The following TRNT1 variants were observed in gnomAD, a reference collection of about 807,000 sequenced individuals.
TRNT1 encodes the protein CCA tRNA nucleotidyltransferase 1, mitochondrial.
A neutral mutation model predicts 45.6 loss-of-function variants in TRNT1; 44 were observed. That is an observed-to-expected ratio of 0.97 (90% confidence interval 0.76 to 1.24). The LOEUF (loss-of-function observed/expected upper bound fraction) is 1.24. Ranked by LOEUF, TRNT1 falls within the 50% of genes most tolerant of loss-of-function variation. TRNT1 has a pLI of 0.00. For missense variants in TRNT1, 633 were observed against 504.4 expected, an observed-to-expected ratio of 1.25 and a Z score of -2.44; for synonymous variants, 201 against 171.4, an observed-to-expected ratio of 1.17 and a Z score of -1.35.
intron 2 of TRNT1, 143 bp downstream of exon 2, chr3:3,129,331 T>A: frequency 6.2e-6 from 5 of 810,872 alleles, no homozygotes; most frequent in Non-Finnish European, 9.4e-6. Flanking sequence ...GGTCTCTTTG[T>A]GTTGCCCAGG....
intron 3 of TRNT1, among the ~76,000 whole-genome samples, chr3:3,139,411 C>G (rs1323309690): frequency 6.6e-6 from 1 of 152,220 alleles, no homozygotes; most frequent in Admixed American, 6.5e-5. Flanking sequence ...CAACAGACTT[C>G]TGGTGATCGT....
At chr3:3,141,176 G>T (rs560827657) in intron 4 of TRNT1, among the ~76,000 whole-genome samples, 4 of 152,182 alleles carry the variant, frequency 2.6e-5, no homozygotes, top group African/African-American at 9.7e-5. Flanking sequence ...GGCTTCCTTT[G>T]TACCGCTGTT....
At chr3:3,147,379 G>A in intron 6 of TRNT1, 71 bp from the exon 7 acceptor site, 1 of 1,544,782 alleles carries the variant, frequency 6.5e-7, no homozygotes. Context: ...CTAAAATGGT[G>A]GCAAGGTTTA....
At chr3:3,136,576 C>A (rs528860564) in intron 2 of TRNT1, 3 of 411,248 alleles carry the variant, frequency 7.3e-6, no homozygotes, top group Admixed American at 5.9e-5. Flanking sequence ...CAGAGAAATA[C>A]AAGAACATGT....
downstream of TRNT1, chr3:3,150,827 A>C (rs1199046620): frequency 6.4e-7 from 1 of 1,562,244 alleles, no homozygotes; most frequent in African/African-American, 1.4e-5. Flanking sequence ...TTAGAATATA[A>C]CCAATTTGTT....
At chr3:3,144,471 CTG>C (rs1306078321) in intron 4 of TRNT1, 111 bp from the exon 5 acceptor site, 89 of 1,019,218 alleles carry the variant, frequency 8.7e-5, no homozygotes, top group Admixed American at 1.5e-4. Context: ...GTTTTAATAA[CTG>C]TTCACTCTGC....
chr3:3,136,018 G>A (rs116496432), intron 2 of TRNT1, among the ~76,000 whole-genome samples: 1 of 152,188 alleles, frequency 6.6e-6, no homozygotes, highest in Non-Finnish European at 1.5e-5. Context: ...GGAAGCAGAA[G>A]TAATTCTGTG....
At chr3:3,140,480 A>G (rs958027157) in intron 3 of TRNT1, 30 bp from the exon 4 acceptor site, 4 of 1,600,590 alleles carry the variant, frequency 2.5e-6, no homozygotes, top group Non-Finnish European at 3.4e-6. Flanking sequence ...AATTTAAATG[A>G]CAACAAAAAC....
chr3:3,146,053 T>A (rs946756379), intron 5 of TRNT1, among the ~76,000 whole-genome samples: 182 of 151,182 alleles, frequency 1.2e-3, no homozygotes, highest in African/African-American at 4.2e-3. Flanking sequence ...AGTCTTGTTT[T>A]GGTTTGCTGC....
chr3:3,152,725 C>G, downstream of TRNT1: 1 of 1,044,110 alleles, frequency 9.6e-7, no homozygotes, highest in South Asian at 1.4e-5. Flanking sequence ...TATATAATAC[C>G]AGGATCTTAG....
At chr3:3,128,909 G>C in intron 1 of TRNT1, 105 bp from the exon 2 acceptor site, 1 of 865,368 alleles carries the variant, frequency 1.2e-6, no homozygotes, top group Non-Finnish European at 1.8e-6. Context: ...ATCTGAACAA[G>C]AGATGAATTT....
At chr3:3,152,723 A>G (rs1337623829), downstream of TRNT1, 5 of 1,052,216 alleles carry the variant, frequency 4.8e-6, no homozygotes, top group African/African-American at 6.4e-5. Context: ...TTTATATAAT[A>G]CCAGGATCTT....
At chr3:3,150,159 G>A (rs1311964479), downstream of TRNT1, 1 of 152,030 alleles carries the variant, frequency 6.6e-6, no homozygotes, top group African/African-American at 2.4e-5. Flanking sequence ...ATTAATTTTT[G>A]AAAAATAGCT....
intron 2 of TRNT1, among the ~76,000 whole-genome samples, chr3:3,133,882 T>C (rs1705165977): frequency 6.6e-6 from 1 of 152,046 alleles, no homozygotes; most frequent in African/African-American, 2.4e-5. Flanking sequence ...CACCCCAGCC[T>C]CCAGTCGTCA....
downstream of TRNT1, among the ~76,000 whole-genome samples, chr3:3,151,970 G>C (rs920323733): frequency 2.6e-5 from 4 of 152,084 alleles, no homozygotes; most frequent in Non-Finnish European, 5.9e-5. Flanking sequence ...TGGGTCATAA[G>C]ACAGCTGATT....
At position 3,147,557 on chromosome 3, in the gene TRNT1, G is replaced by T. The variant is rs759431838; in HGVS notation, c.910G>T (p.Asp304Tyr). ...TLLASLFKVQ[D>Y]DVTKLDLRLK... ...TTTGGCCTCATTATTCAAAGTACAA[G>T]ATGATGTCACAAAATTGGATTTGAG... The change falls in exon 7 of 8, where the codon GAT (aspartate) becomes TAT (tyrosine). Residue 304 changes from aspartate (D) to tyrosine (Y), a missense_variant. Asp to Tyr is a radical substitution (Grantham distance 160). Transcript: ENST00000251607. The T allele has an allele frequency of 1.9e-6, 3 of 1,613,960 alleles. No homozygotes were observed. In the South Asian group the frequency reaches 3.3e-5, roughly 18 times the overall value.
In TRNT1 at chr3:3,148,188, G is replaced by GT; in HGVS notation, c.*35dup. ...GCTACTAAAAAGCAGAGCATTTCTG[G>GT]TAAGACTAAATTTTCTCCCCTCCCT... is the stretch of plus-strand genomic sequence containing the variant. On this transcript the variant is annotated 3_prime_UTR_variant, in exon 8 of 8. Transcript: ENST00000251607. 1 of 1,598,636 alleles carries GT rather than the reference G, an allele frequency of 6.3e-7. No homozygotes were observed. The highest frequency in any genetic ancestry group is 8.5e-7 in the Non-Finnish European group (1 of 1,173,634).
chr3:3,140,113 A>T (rs568312751), intron 3 of TRNT1, among the ~76,000 whole-genome samples: 2 of 152,180 alleles, frequency 1.3e-5, no homozygotes, highest in Non-Finnish European at 2.9e-5. Context: ...CTTTCGCTCA[A>T]TGGCAAATGT....
At chr3:3,139,647 G>C (rs114125968) in intron 3 of TRNT1, among the ~76,000 whole-genome samples, 3 of 152,250 alleles carry the variant, frequency 2.0e-5, no homozygotes, top group African/African-American at 7.2e-5. Flanking sequence ...TGGCACAGAC[G>C]CCACCCTAAC....
Sources: allele counts gnomAD v4.1 joint callset (sites outside exome capture counted in the v4.1 genomes callset), GRCh38; gene constraint gnomAD v4.1.1; transcripts MANE v1.5; gene names NCBI Gene and HGNC (gene_info 2026-07-23, HGNC 2026-07-21).